Variants in ARHGAP15 observed in about 807,000 individuals in gnomAD.
The protein encoded by ARHGAP15 is rho GTPase-activating protein 15.
A neutral mutation model predicts 63.7 loss-of-function variants in ARHGAP15; 51 were observed. That is an observed-to-expected ratio of 0.80 (90% CI 0.64 to 1.01). The LOEUF (loss-of-function observed/expected upper bound fraction) is 1.01, where lower values mean the gene tolerates loss of function less well. Ranked by LOEUF, ARHGAP15 falls within the 50% of genes least tolerant of loss-of-function variation. ARHGAP15 has a pLI of 0.00. For missense variants in ARHGAP15, 560 were observed against 564.6 expected (o/e 0.99, Z 0.08); for synonymous variants, 191 against 193.8 (o/e 0.99, Z 0.12).
chr2:143,253,811 C>G (rs1006959569), intron 6 of ARHGAP15, among the ~76,000 whole-genome samples: 5 of 151,706 alleles, frequency 3.3e-5, no homozygotes, highest in Middle Eastern at 3.4e-3. Context: ...TGTATACACA[C>G]CTAATAGCTT....
At chr2:143,516,592 A>G (rs1473846819) in intron 9 of ARHGAP15, among the ~76,000 whole-genome samples, 1 of 152,198 alleles carries the variant, frequency 6.6e-6, no homozygotes, top group African/African-American at 2.4e-5. Flanking sequence ...CAATATGCCT[A>G]CCTCATTGCT....
chr2:143,729,101 T>C (rs570858972), intron 13 of ARHGAP15, among the ~76,000 whole-genome samples: 1 of 152,252 alleles, frequency 6.6e-6, no homozygotes, highest in East Asian at 1.9e-4. Context: ...AAAAGGCAAT[T>C]TAGGTCTGAG....
intron 10 of ARHGAP15, among the ~76,000 whole-genome samples, chr2:143,538,365 C>T (rs1459184595): frequency 6.6e-6 from 1 of 152,266 alleles, no homozygotes; most frequent in African/African-American, 2.4e-5. Context: ...ATTAAATGCC[C>T]TTTATTTCCT....
At chr2:143,185,224 G>A (rs1008551901) in intron 2 of ARHGAP15, among the ~76,000 whole-genome samples, 13 of 152,094 alleles carry the variant, frequency 8.5e-5, no homozygotes, top group Admixed American at 6.6e-4. Context: ...CTGCTCATCT[G>A]TTTACTAGAA....
At chr2:143,410,626 T>C (rs555913252) in intron 6 of ARHGAP15, among the ~76,000 whole-genome samples, 24 of 152,202 alleles carry the variant, frequency 1.6e-4, no homozygotes, top group Non-Finnish European at 1.5e-4. Flanking sequence ...AGGACTCTGC[T>C]CCCATGGAGT....
chr2:143,221,133 C>T (rs1203147639), intron 4 of ARHGAP15, among the ~76,000 whole-genome samples: 1 of 152,164 alleles, frequency 6.6e-6, no homozygotes, highest in South Asian at 2.1e-4. Flanking sequence ...TCAATTGTCA[C>T]TTAATAAGTA....
At chr2:143,607,709 A>T (rs1361671456) in intron 11 of ARHGAP15, 1 of 152,148 alleles carries the variant, frequency 6.6e-6, no homozygotes, top group African/African-American at 2.4e-5. Flanking sequence ...AGAATTTTTT[A>T]TGCCTGGAGG....
chr2:143,317,199 C>T (rs1683760860), intron 6 of ARHGAP15, among the ~76,000 whole-genome samples: 1 of 138,522 alleles, frequency 7.2e-6, no homozygotes, highest in Non-Finnish European at 1.7e-5. Flanking sequence ...TCTTTCTTGT[C>T]CCCCAGTGCC....
In ARHGAP15 at chr2:143,352,745, T is replaced by C. The variant is rs371947973; in HGVS notation, c.475-82856T>C. Among the ~76,000 whole-genome samples, 7 of 152,182 alleles carry C rather than the reference T, an allele frequency of 4.6e-5. No individual in the cohort carries two copies. The East Asian group carries it at 5.8e-4, about 13-fold the overall frequency. On this transcript the variant is annotated intron_variant, in intron 6 of 13. Transcript: ENST00000295095. ...GAGCTGATGGTCAACCCAGCTCACA[T>C]TGACCAACATTTTACAAATTATTTT...
intron 2 of ARHGAP15, among the ~76,000 whole-genome samples, chr2:143,160,402 A>G (rs982804284): frequency 2.0e-5 from 3 of 151,922 alleles, no homozygotes; most frequent in Non-Finnish European, 4.4e-5. Flanking sequence ...GAAAAGCTGG[A>G]GGACAGTGGA....
chr2:143,550,329 AAC>A (rs897029377), intron 10 of ARHGAP15, among the ~76,000 whole-genome samples: 9 of 152,216 alleles, frequency 5.9e-5, no homozygotes, highest in African/African-American at 2.2e-4. Context: ...AGCAAAAGAA[AAC>A]AGTCAGATGG....
intron 2 of ARHGAP15, among the ~76,000 whole-genome samples, chr2:143,169,063 C>G (rs1327959614): frequency 1.3e-5 from 2 of 152,046 alleles, no homozygotes; most frequent in South Asian, 2.1e-4. Context: ...TCTCGACTTG[C>G]AACTGGCATG....
intron 11 of ARHGAP15, among the ~76,000 whole-genome samples, chr2:143,598,915 A>T (rs996808623): frequency 6.6e-6 from 1 of 151,576 alleles, no homozygotes; most frequent in African/African-American, 2.4e-5. Flanking sequence ...ACCTTATCTT[A>T]AAAAATAAGT....
At chr2:143,617,714 T>C (rs1379089411) in intron 11 of ARHGAP15, among the ~76,000 whole-genome samples, 1 of 152,168 alleles carries the variant, frequency 6.6e-6, no homozygotes, top group Non-Finnish European at 1.5e-5. Flanking sequence ...ATGCATATTT[T>C]TGGGTGATAT....
At chr2:143,263,732 T>C in intron 6 of ARHGAP15, among the ~76,000 whole-genome samples, 1 of 152,012 alleles carries the variant, frequency 6.6e-6, no homozygotes, top group South Asian at 2.1e-4. Flanking sequence ...ACTGTCTCCT[T>C]CCAGGCCTCT....
chr2:143,641,618 T>G (rs1680603752), intron 12 of ARHGAP15, among the ~76,000 whole-genome samples: 1 of 152,122 alleles, frequency 6.6e-6, no homozygotes, highest in Non-Finnish European at 1.5e-5. Context: ...GTAAGCTTAA[T>G]GAAAGATGCA....
chr2:143,719,351 CAG>C (rs1361992492), intron 13 of ARHGAP15, among the ~76,000 whole-genome samples: 2 of 152,166 alleles, frequency 1.3e-5, no homozygotes, highest in Non-Finnish European at 2.9e-5. Flanking sequence ...GGCATTAAAA[CAG>C]ATTAAATTTG....
At chr2:143,361,763 A>G (rs892077821) in intron 6 of ARHGAP15, among the ~76,000 whole-genome samples, 5 of 152,156 alleles carry the variant, frequency 3.3e-5, no homozygotes, top group Admixed American at 6.6e-5. Flanking sequence ...AGGTTCATAA[A>G]CAATATTCAC....
chr2:143,496,565 C>G (rs1377389059), intron 9 of ARHGAP15, among the ~76,000 whole-genome samples: 1 of 152,082 alleles, frequency 6.6e-6, no homozygotes, highest in Non-Finnish European at 1.5e-5. Flanking sequence ...TTTTTTTAAC[C>G]TACAAAATGG....
Sources: allele counts gnomAD v4.1 joint callset (sites outside exome capture counted in the v4.1 genomes callset), GRCh38; gene constraint gnomAD v4.1.1; transcripts MANE v1.5; gene names NCBI Gene and HGNC (gene_info 2026-07-23, HGNC 2026-07-21).